Variants in PRIM2 observed in about 807,000 individuals in gnomAD.
PRIM2 encodes DNA primase subunit 2.
PRIM2 carries 39 observed loss-of-function variants against 67.3 expected under a neutral mutation model. The ratio of observed to expected loss-of-function variants is 0.58; its 90% confidence interval spans 0.45 to 0.76. PRIM2 has a LOEUF of 0.76. PRIM2 is among the 30% of genes least tolerant of loss of function. The pLI, the probability that PRIM2 is intolerant of heterozygous loss-of-function variation, is 0.00. For missense variants in PRIM2, 398 were observed against 598.7 expected, an observed-to-expected ratio of 0.66 and a Z score of 3.50; for synonymous variants, 143 against 198.7, an observed-to-expected ratio of 0.72 and a Z score of 2.36.
chr6:57,330,605 G>A (rs1473756131), intron 5 of PRIM2, among the ~76,000 whole-genome samples: 5 of 152,000 alleles, frequency 3.3e-5, no homozygotes, highest in African/African-American at 1.2e-4. Context: ...TAATCAGGAT[G>A]CTTTTTGTTT....
chr6:57,533,581 T>G (rs1482515227), intron 9 of PRIM2, among the ~76,000 whole-genome samples: 1 of 152,216 alleles, frequency 6.6e-6, no homozygotes, highest in East Asian at 1.9e-4. Flanking sequence ...ATCTTTTAAT[T>G]TTTTTATTAA....
At chr6:57,293,204 A>T in the PRIM2 span, among the ~76,000 whole-genome samples, 1 of 152,248 alleles carries the variant, frequency 6.6e-6, no homozygotes, top group Non-Finnish European at 1.5e-5. Context: ...TCAAAAGAAG[A>T]TATTTATGCA....
intron 7 of PRIM2, among the ~76,000 whole-genome samples, chr6:57,416,064 T>C (rs1204749560): frequency 6.6e-6 from 1 of 152,210 alleles, no homozygotes; most frequent in Non-Finnish European, 1.5e-5. Flanking sequence ...GTGAATCGTT[T>C]CAGAAGGTTT....
At chr6:57,394,299 G>A (rs1484374661) in intron 7 of PRIM2, among the ~76,000 whole-genome samples, 1 of 152,102 alleles carries the variant, frequency 6.6e-6, no homozygotes, top group Non-Finnish European at 1.5e-5. Flanking sequence ...ATGAGCATGG[G>A]ATGTGTTTCC....
intron 13 of PRIM2, among the ~76,000 whole-genome samples, chr6:57,638,397 A>G (rs1777161181): frequency 6.6e-6 from 1 of 152,228 alleles, no homozygotes; most frequent in Non-Finnish European, 1.5e-5. Flanking sequence ...TTCACACATA[A>G]CAATATTAAC....
intron 5 of PRIM2, among the ~76,000 whole-genome samples, chr6:57,362,149 G>T (rs149358202): frequency 4.7e-4 from 71 of 152,218 alleles, no homozygotes; most frequent in African/African-American, 1.7e-3. Context: ...AATATTTTCA[G>T]TTACAAATAT....
rs1359312388 is a variant in PRIM2, at chr6:57,510,762, A to T, written c.761+3308A>T. Among the ~76,000 whole-genome samples the T allele has an allele frequency of 5.9e-5, 9 of 152,310 alleles. No homozygotes were observed. In the East Asian group the frequency reaches 1.7e-3, roughly 29 times the overall value. ...TCCTGTTCTACAAGGTAACCTTGTT[A>T]TAACGCCTTTCAAGAATACTGAATT... On this transcript the variant is annotated intron_variant, in intron 8 of 13. Transcript: ENST00000615550.
the PRIM2 span, among the ~76,000 whole-genome samples, chr6:57,247,075 T>C: frequency 8.5e-5 from 13 of 152,250 alleles, no homozygotes; most frequent in East Asian, 1.4e-3. Context: ...AGGATGGTCT[T>C]GATCTCCTGA....
At chr6:57,291,751 G>C in the PRIM2 span, among the ~76,000 whole-genome samples, 4 of 152,086 alleles carry the variant, frequency 2.6e-5, no homozygotes, top group African/African-American at 4.8e-5. Flanking sequence ...AAAACCACAC[G>C]ATTATCTCAA....
chr6:57,295,378 C>T, the PRIM2 span, among the ~76,000 whole-genome samples: 2 of 152,062 alleles, frequency 1.3e-5, no homozygotes, highest in Admixed American at 6.6e-5. Context: ...ATATCTGCTC[C>T]AGTACTTAGA....
chr6:57,274,162 A>G, the PRIM2 span, among the ~76,000 whole-genome samples: 6 of 152,364 alleles, frequency 3.9e-5, no homozygotes, highest in East Asian at 7.7e-4. Flanking sequence ...GCTGTCAGAC[A>G]GGGACATTTA....
intron 7 of PRIM2, among the ~76,000 whole-genome samples, chr6:57,497,291 T>C (rs1438510948): frequency 3.9e-5 from 6 of 152,154 alleles, no homozygotes; most frequent in Non-Finnish European, 1.5e-5. Context: ...TCAGAGATAA[T>C]ATCCAAGGGA....
At chr6:57,415,778 A>G (rs1235605912) in intron 7 of PRIM2, among the ~76,000 whole-genome samples, 1 of 152,222 alleles carries the variant, frequency 6.6e-6, no homozygotes, top group Non-Finnish European at 1.5e-5. Context: ...AGTAGAGTCT[A>G]TCTCAAGAAA....
chr6:57,435,593 A>C (rs543818139), intron 7 of PRIM2, among the ~76,000 whole-genome samples: 1 of 152,236 alleles, frequency 6.6e-6, no homozygotes, highest in African/African-American at 2.4e-5. Flanking sequence ...TGTTGAAGGG[A>C]CTGAAGAATT....
intron 7 of PRIM2, among the ~76,000 whole-genome samples, chr6:57,449,547 A>G (rs1772471600): frequency 6.6e-6 from 1 of 152,182 alleles, no homozygotes; most frequent in South Asian, 2.1e-4. Flanking sequence ...TCATTGAGCT[A>G]ATGAATAGGT....
chr6:57,229,885 C>CTCA, the PRIM2 span, among the ~76,000 whole-genome samples: 145,507 of 152,180 alleles, frequency 0.96, 69,593 homozygotes, highest in South Asian at 0.99. Context: ...ATGACTCTCC[C>CTCA]TCATGCCTCC....
intron 10 of PRIM2, among the ~76,000 whole-genome samples, chr6:57,581,226 C>T (rs2127485058): frequency 6.6e-6 from 1 of 152,194 alleles, no homozygotes; most frequent in East Asian, 1.9e-4. Flanking sequence ...CAAGCTGAGC[C>T]AACTATCTGG....
Position 57,602,924 on chromosome 6 carries a change from C to G in PRIM2, c.1147+1705C>G, listed in dbSNP as rs1410917853. Among the ~76,000 whole-genome samples, 59 of 152,242 alleles carry G rather than the reference C, an allele frequency of 3.9e-4. No individual in the cohort carries two copies. In the East Asian group the frequency reaches 0.011, roughly 28 times the overall value. On this transcript the variant is annotated intron_variant, in intron 11 of 13. Transcript: ENST00000615550. ...TCAGAGTTCCCATATACCTCCACGC[C>G]CCAACACACGCACAACCTCCGTTGC...
At chr6:57,457,576 A>G (rs1382912326) in intron 7 of PRIM2, among the ~76,000 whole-genome samples, 5 of 151,220 alleles carry the variant, frequency 3.3e-5, no homozygotes, top group Admixed American at 1.3e-4. Flanking sequence ...TGGGTGTAGG[A>G]CCCCCGAGCC....
Sources: gnomAD v4.1 joint callset for allele counts (sites outside exome capture counted in the v4.1 genomes callset) on GRCh38, gnomAD v4.1.1 for gene constraint, MANE v1.5 for transcripts, NCBI Gene and HGNC (gene_info 2026-07-23, HGNC 2026-07-21) for gene names.